The following ZNF420 variants were observed in gnomAD, a reference collection of about 807,000 sequenced individuals.
ZNF420 encodes the protein zinc finger protein 420, also known as ATM and p53-associated KZNF protein.
A neutral mutation model predicts 44.7 loss-of-function variants in ZNF420; 31 were observed. The observed-to-expected ratio is 0.69, with a 90% CI of 0.52 to 0.94. ZNF420 has a LOEUF of 0.94. Ranked by LOEUF, ZNF420 falls within the 40% of genes least tolerant of loss-of-function variation. ZNF420 has a pLI of 0.00. For missense variants in ZNF420, 681 were observed against 827.9 expected, an observed-to-expected ratio of 0.82 and a Z score of 2.18; for synonymous variants, 245 against 267.4, an observed-to-expected ratio of 0.92 and a Z score of 0.82.
intron 1 of ZNF420, among the ~76,000 whole-genome samples, chr19:37,020,801 T>C (rs2074642822): frequency 6.6e-6 from 1 of 152,194 alleles, no homozygotes; most frequent in Admixed American, 6.5e-5. Flanking sequence ...AAATAAACAC[T>C]GTATTATTCC....
At chr19:37,013,285 G>A (rs1286398513) in intron 1 of ZNF420, among the ~76,000 whole-genome samples, 3 of 152,162 alleles carry the variant, frequency 2.0e-5, no homozygotes, top group Non-Finnish European at 4.4e-5. Context: ...GGCCACTGAC[G>A]GGATTACAGG....
chr19:37,038,297 C>T (rs1044425407), intron 1 of ZNF420, among the ~76,000 whole-genome samples: 1 of 152,212 alleles, frequency 6.6e-6, no homozygotes, highest in Non-Finnish European at 1.5e-5. Context: ...GGTGCATGGT[C>T]TTGCTTCAGT....
At chr19:37,087,719 C>G (rs1423401422) in intron 2 of ZNF420, among the ~76,000 whole-genome samples, 1 of 152,188 alleles carries the variant, frequency 6.6e-6, no homozygotes, top group Non-Finnish European at 1.5e-5. Context: ...GATCTCGGCT[C>G]GCTGCAAGCT....
intron 4 of ZNF420, among the ~76,000 whole-genome samples, chr19:37,124,701 CT>C (rs1191299252): frequency 6.6e-6 from 1 of 151,868 alleles, no homozygotes; most frequent in Non-Finnish European, 1.5e-5. Context: ...GAGTCTCGCT[CT>C]GTTGCCCAGG....
intron 1 of ZNF420, among the ~76,000 whole-genome samples, chr19:37,055,541 C>T (rs538541371): frequency 8.0e-4 from 122 of 152,350 alleles, no homozygotes; most frequent in Non-Finnish European, 1.2e-3. Flanking sequence ...CCCCCGTCCA[C>T]GCAGAGCCGA....
chr19:37,126,375 G>C (rs1971346888), intron 4 of ZNF420, among the ~76,000 whole-genome samples: 1 of 152,158 alleles, frequency 6.6e-6, no homozygotes, highest in Admixed American at 6.5e-5. Flanking sequence ...AAGGAAGCTA[G>C]TTTTTCTGGC....
chr19:37,043,697 T>A (rs902680034), intron 1 of ZNF420, among the ~76,000 whole-genome samples: 4 of 152,136 alleles, frequency 2.6e-5, no homozygotes, highest in African/African-American at 9.7e-5. Context: ...GGTCTAGAAC[T>A]CCTGACCTCA....
chr19:37,095,796 G>A (rs1018469233), intron 4 of ZNF420, among the ~76,000 whole-genome samples: 7 of 151,810 alleles, frequency 4.6e-5, no homozygotes, highest in East Asian at 3.9e-4. Flanking sequence ...ACGGGGTTTC[G>A]CCATGTTGGC....
In ZNF420 at chr19:37,129,007, A is replaced by T; in HGVS notation, c.2016A>T (p.Glu672Asp). Residue 672 changes from glutamate (E) to aspartate (D), a missense_variant, in exon 5 of 5, where the codon GAA becomes GAT. By Grantham distance (45) the Glu-to-Asp change is conservative. This residue lies in a region of ZNF420 where 280 missense variants were observed against 338.6 expected (regional missense o/e 0.83). Transcript: ENST00000337995. ...TTCATATCAGTGAGAAATCTTTTGAATATAAGGAATGTGGGATTGACTTTA... is the reference window on the plus strand; with the variant it reads ...TTCATATCAGTGAGAAATCTTTTGATTATAAGGAATGTGGGATTGACTTTA... ...QRIHISEKSF[E>D]YKECGIDFSH... 6.2e-7 allele frequency: 1 copy of T among 1,613,878 alleles called. No homozygotes were observed. Among genetic ancestry groups the T allele is most frequent in the Non-Finnish European group, 8.5e-7 (1 of 1,179,830 alleles).
chr19:37,073,190 G>C (rs568684292), intron 1 of ZNF420, among the ~76,000 whole-genome samples: 6 of 152,212 alleles, frequency 3.9e-5, no homozygotes, highest in South Asian at 2.1e-4. Context: ...CTGGGTGACA[G>C]AGCGAGACCC....
intron 1 of ZNF420, among the ~76,000 whole-genome samples, chr19:37,056,094 C>G (rs972965401): frequency 3.3e-5 from 5 of 151,794 alleles, no homozygotes; most frequent in Admixed American, 6.6e-5. Flanking sequence ...CTCTGTCTCT[C>G]TCTCTCTCTC....
chr19:37,125,117 C>G (rs1010407815), intron 4 of ZNF420, among the ~76,000 whole-genome samples: 2 of 152,206 alleles, frequency 1.3e-5, no homozygotes, highest in South Asian at 2.1e-4. Context: ...GGATTACAGG[C>G]ATGAGCCACT....
At chr19:37,103,222 A>G (rs996312928) in intron 4 of ZNF420, among the ~76,000 whole-genome samples, 5 of 152,080 alleles carry the variant, frequency 3.3e-5, no homozygotes, top group African/African-American at 1.2e-4. Flanking sequence ...ATTTCCTTCT[A>G]TAACAAACAT....
chr19:37,015,842 C>T (rs1184116555), intron 1 of ZNF420, among the ~76,000 whole-genome samples: 2 of 152,196 alleles, frequency 1.3e-5, no homozygotes, highest in East Asian at 3.8e-4. Context: ...CCCTCATTCC[C>T]GGAGCCACAT....
chr19:37,034,329 C>T (rs1382477931), intron 1 of ZNF420, among the ~76,000 whole-genome samples: 1 of 152,072 alleles, frequency 6.6e-6, no homozygotes, highest in Non-Finnish European at 1.5e-5. Flanking sequence ...GGGAAAATGT[C>T]TATGTAAGTC....
chr19:37,063,974 CTT>C (rs1457608556), intron 1 of ZNF420, among the ~76,000 whole-genome samples: 3 of 152,142 alleles, frequency 2.0e-5, no homozygotes, highest in Non-Finnish European at 2.9e-5. Flanking sequence ...AACCTTGACA[CTT>C]TTTATTATTA....
intron 2 of ZNF420, 77 bp from the exon 3 acceptor site, chr19:37,088,962 A>G (rs1968980973): frequency 4.3e-6 from 3 of 701,942 alleles, no homozygotes; most frequent in Non-Finnish European, 7.7e-6. Flanking sequence ...AGAAAAGAAC[A>G]ACAAAGATAA....
chr19:37,082,411 T>C (rs1968518910), intron 2 of ZNF420, among the ~76,000 whole-genome samples: 1 of 152,110 alleles, frequency 6.6e-6, no homozygotes, highest in Admixed American at 6.5e-5. Context: ...GTGATCTGCC[T>C]GCCTCGGCCT....
chr19:37,057,575 T>G (rs1185975980), intron 1 of ZNF420, among the ~76,000 whole-genome samples: 1 of 152,130 alleles, frequency 6.6e-6, no homozygotes, highest in Non-Finnish European at 1.5e-5. Flanking sequence ...CAAAAAGCGA[T>G]TTCTTGCATG....
Sources: allele counts gnomAD v4.1 joint callset (sites outside exome capture counted in the v4.1 genomes callset), GRCh38; gene constraint gnomAD v4.1.1; regional missense constraint gnomAD v4.1.1; transcripts MANE v1.5; gene names NCBI Gene and HGNC (gene_info 2026-07-23, HGNC 2026-07-21).